Variants in MAD1L1 observed in about 807,000 individuals in gnomAD.
MAD1L1 encodes mitotic arrest deficient 1 like 1.
In MAD1L1, 95 loss-of-function variants were observed where a neutral mutation model predicts 96.9. The observed-to-expected ratio is 0.98, with a 90% confidence interval of 0.83 to 1.16. The LOEUF (loss-of-function observed/expected upper bound fraction) is 1.16, where lower values mean the gene tolerates loss of function less well. MAD1L1 is among the 50% of genes most tolerant of loss of function. The pLI is 0.00. For missense variants in MAD1L1, 1,007 were observed against 954.4 expected (o/e 1.06, Z -0.73); for synonymous variants, 473 against 396.6 (o/e 1.19, Z -2.29).
Position 2,142,170 on chromosome 7 carries a change from C to G in MAD1L1, c.1073+6982G>C, listed in dbSNP as rs1789068395. On this transcript the variant is annotated intron_variant, in intron 11 of 18. Transcript: ENST00000265854. The surrounding 1 kb of genome is among the most constrained non-coding windows in gnomAD (Gnocchi z 4.7). ...ATCCTACAGACAGACAACTGACTCACGAGAGAGACGGCTTTTCAAAGGGCC... is the reference window on the plus strand; with the variant it reads ...ATCCTACAGACAGACAACTGACTCAGGAGAGAGACGGCTTTTCAAAGGGCC... Among the ~76,000 whole-genome samples, 1 of 152,222 alleles carries G rather than the reference C, an allele frequency of 6.6e-6. No homozygotes were observed. The highest frequency in any genetic ancestry group is 1.5e-5 in the Non-Finnish European group (1 of 68,036).
intron 11 of MAD1L1, among the ~76,000 whole-genome samples, chr7:2,141,093 C>A (rs1789005078): frequency 1.3e-5 from 2 of 152,362 alleles, no homozygotes; most frequent in South Asian, 2.1e-4. Flanking sequence ...CAGAGCCCAG[C>A]GGCAGCGGAC....
intron 12 of MAD1L1, among the ~76,000 whole-genome samples, chr7:2,027,650 A>T (rs1401596963): frequency 6.6e-6 from 1 of 152,248 alleles, no homozygotes; most frequent in Non-Finnish European, 1.5e-5. Flanking sequence ...TTCAACATCT[A>T]TTCACGATAA....
At chr7:1,895,679 C>A (rs950622331) in intron 18 of MAD1L1, among the ~76,000 whole-genome samples, 1 of 152,210 alleles carries the variant, frequency 6.6e-6, no homozygotes, top group Non-Finnish European at 1.5e-5. Flanking sequence ...GGGTGGGGAG[C>A]GGGGCCTCTG....
At chr7:1,929,481 C>T (rs960965122) in intron 17 of MAD1L1, among the ~76,000 whole-genome samples, 13 of 152,254 alleles carry the variant, frequency 8.5e-5, no homozygotes, top group South Asian at 2.1e-4. Context: ...GGGCCCGTGC[C>T]GATGGCAAGG....
At chr7:2,205,125 G>A (rs1364955344) in intron 10 of MAD1L1, among the ~76,000 whole-genome samples, 1 of 129,284 alleles carries the variant, frequency 7.7e-6, no homozygotes, top group East Asian at 2.3e-4. Context: ...CTAATACAGA[G>A]GCCAAGATAA....
At chr7:1,889,317 G>GC (rs1786391150) in intron 18 of MAD1L1, among the ~76,000 whole-genome samples, 1 of 152,250 alleles carries the variant, frequency 6.6e-6, no homozygotes, top group Non-Finnish European at 1.5e-5. Context: ...CTCGGGCAAG[G>GC]CCTCAGATGC....
intron 17 of MAD1L1, among the ~76,000 whole-genome samples, chr7:1,903,427 T>A: frequency 6.7e-6 from 1 of 149,872 alleles, no homozygotes; most frequent in African/African-American, 2.5e-5. Flanking sequence ...TCATGATTGA[T>A]GAAGCACTGT....
chr7:2,055,404 C>T (rs1289480547), intron 12 of MAD1L1, among the ~76,000 whole-genome samples: 1 of 152,140 alleles, frequency 6.6e-6, no homozygotes, highest in Non-Finnish European at 1.5e-5. Context: ...ACAGAACTGG[C>T]CCGGAGCAGC....
At chr7:1,976,181 G>C (rs1231241693) in intron 15 of MAD1L1, among the ~76,000 whole-genome samples, 1 of 152,244 alleles carries the variant, frequency 6.6e-6, no homozygotes, top group Non-Finnish European at 1.5e-5. Context: ...GTGCATGTGT[G>C]TGTGAGGACC....
intron 11 of MAD1L1, chr7:2,080,104 G>A (rs1411588798): frequency 1.0e-5 from 2 of 196,400 alleles, no homozygotes; most frequent in Admixed American, 1.1e-4. Context: ...GCAGCAGGCG[G>A]GTGGGCCAGC....
intron 15 of MAD1L1, among the ~76,000 whole-genome samples, chr7:1,976,400 A>T (rs1004006327): frequency 6.6e-6 from 1 of 152,026 alleles, no homozygotes. Context: ...GCAGACCTTC[A>T]TGGTGAGTGT....
rs56189973 is a variant in MAD1L1, at chr7:2,028,424, C to CAA, written c.1219-13784_1219-13783dup. 3.7e-3 allele frequency among the ~76,000 whole-genome samples: 317 copies of CAA among 86,116 alleles called. 3 individuals are homozygous for CAA. Among genetic ancestry groups the CAA allele is most frequent in the African/African-American group, 0.012 (300 of 24,874 alleles). The allele number at this position is 86,116 out of a possible 152,430, so 56.5% of individuals were successfully genotyped here. On this transcript the variant is annotated intron_variant, in intron 12 of 18. Transcript: ENST00000265854. ...TGGGCGACAGAGCAAGACTCCATCT[C>CAA]AAAAAAAAAAAAAAAAAAAAGTATG...
intron 12 of MAD1L1, among the ~76,000 whole-genome samples, chr7:2,067,472 C>A (rs1784929237): frequency 6.6e-6 from 1 of 152,176 alleles, no homozygotes; most frequent in South Asian, 2.1e-4. Flanking sequence ...CATCACGCAC[C>A]CAAAGATCAC....
intron 12 of MAD1L1, among the ~76,000 whole-genome samples, chr7:2,031,197 T>A (rs941518143): frequency 6.6e-6 from 1 of 152,120 alleles, no homozygotes. Context: ...CTCCCACTAC[T>A]CACCCCTCTG....
chr7:2,102,877 C>CA (rs2128552067), intron 11 of MAD1L1, among the ~76,000 whole-genome samples: 1 of 152,340 alleles, frequency 6.6e-6, no homozygotes, highest in South Asian at 2.1e-4. Flanking sequence ...ACTCCAGAGA[C>CA]AATGCCCAGA....
intron 18 of MAD1L1, chr7:1,849,155 C>A (rs1280088681): frequency 2.6e-5 from 4 of 153,162 alleles, no homozygotes; most frequent in Admixed American, 6.5e-5. Context: ...CATGCACACA[C>A]ACACACGTAC....
At chr7:1,877,761 T>C (rs1460699118) in intron 18 of MAD1L1, among the ~76,000 whole-genome samples, 1 of 152,114 alleles carries the variant, frequency 6.6e-6, no homozygotes, top group Non-Finnish European at 1.5e-5. Context: ...CAAGTCAGAC[T>C]TCAGAACAAG....
chr7:1,880,964 G>C (rs1295101876), intron 18 of MAD1L1, among the ~76,000 whole-genome samples: 1 of 152,252 alleles, frequency 6.6e-6, no homozygotes, highest in East Asian at 1.9e-4. Flanking sequence ...TGAGCTGACA[G>C]AGGGCTCTCT....
At chr7:2,191,009 C>G (rs1639908) in intron 10 of MAD1L1, among the ~76,000 whole-genome samples, 102,001 of 152,078 alleles carry the variant, frequency 0.67, 35,757 homozygotes, top group African/African-American at 0.86. Context: ...AAAGAGACTT[C>G]AATACAAATG....
Sources: gnomAD v4.1 joint callset for allele counts (sites outside exome capture counted in the v4.1 genomes callset) on GRCh38, gnomAD v4.1.1 for gene constraint, Gnocchi (gnomAD v3.1) non-coding constraint, MANE v1.5 for transcripts, NCBI Gene and HGNC (gene_info 2026-07-23, HGNC 2026-07-21) for gene names.